The following HLA-B variants were observed in gnomAD, a reference collection of about 807,000 sequenced individuals.
HLA-B encodes major histocompatibility complex, class I, B.
In HLA-B, 31 loss-of-function variants were observed where a neutral mutation model predicts 41.5. That is an observed-to-expected ratio of 0.75 (90% CI 0.56 to 1.01). HLA-B has a LOEUF of 1.01. HLA-B is among the 50% of genes least tolerant of loss of function. The pLI is 0.00. For synonymous variants in HLA-B, 138 were observed against 189.0 expected (o/e 0.73, Z 2.21); for missense variants, 369 against 457.2 (o/e 0.81, Z 1.76).
At position 31,356,148 on chromosome 6, in the gene HLA-B, T is replaced by G. The variant is rs1766940776; in HGVS notation, c.619+19A>C. The G allele has an allele frequency of 2.3e-6, 3 of 1,289,848 alleles. No homozygotes were observed. The highest frequency in any genetic ancestry group is 2.9e-4 in the Middle Eastern group (1 of 3,508). The allele number at this position is 1,289,848 out of a possible 1,614,324, so 79.9% of individuals were successfully genotyped here. On this transcript the variant is annotated intron_variant, in intron 3 of 7. Transcript: ENST00000412585. ...GCGACCTATAGGAGATGGGGAAGGC[T>G]CCCCACTGCCCCTGGTACCAGCGCG...
rs41562914 is a variant in HLA-B at position 31,356,825 on chromosome 6, T to C, written c.206A>G (p.Glu69Gly). 4,034 of 1,071,252 alleles carry C rather than the reference T, an allele frequency of 3.8e-3. 753 individuals carry two copies. The East Asian group carries it at 0.11, about 29-fold the overall frequency. The allele number at this position is 1,071,252 out of a possible 1,614,324, so 66.4% of individuals were successfully genotyped here. A position where few individuals can be genotyped will look rare whatever the true frequency, so the allele number is the denominator to read the frequency against. ...RFDSDAASPR[E>G]EPRAPWIEQE... ...CTCTATCCACGGCGCCCGCGGCTCC[T>C]CTCTCGGACTCGCGGCGTCGCTGTC... Residue 69 changes from glutamate (E) to glycine (G), a missense_variant, in exon 2 of 8, where the codon GAG (glutamate) becomes GGG (glycine). Physicochemically the swap from Glu to Gly is moderately conservative, Grantham distance 98 (BLOSUM62 -2). Around this residue, in one of 6 missense-constraint regions of HLA-B, gnomAD observed 113 missense variants for 173.2 expected, o/e 0.65. Coordinates refer to ENST00000412585, the MANE Select transcript of HLA-B (RefSeq NM_005514.8).
chr6:31,354,646 G>C lies in HLA-B; in HGVS notation c.1032C>G (p.Tyr344Ter). The change falls in exon 6 of 8, where the codon TAC becomes TAG. Residue 344 changes from tyrosine (Y) to a stop codon, truncating the protein, a stop_gained. Transcript: ENST00000412585. LOFTEE classifies it high-confidence loss of function. ...RKSSGGKGGS[Y>*]SQAACSDSAQ... ...CCCACCACTTACACGCAGCCTGAGA[G>C]TAGCTCCCTCCTTTTCCACCTGTGG... is the stretch of plus-strand genomic sequence containing the variant. 2 of 1,405,906 alleles carry C rather than the reference G, an allele frequency of 1.4e-6. 1 individual carries two copies. The allele number at this position is 1,405,906 out of a possible 1,614,324, so 87.1% of individuals were successfully genotyped here.
rs41545612 is a variant in HLA-B, at chr6:31,356,820, G to T, written c.211C>A (p.Pro71Thr). The change falls in exon 2 of 8, where the codon CCG becomes ACG. Residue 71 changes from proline (P) to threonine (T), a missense_variant. Coordinates refer to ENST00000412585, the MANE Select transcript of HLA-B (RefSeq NM_005514.8). ...DSDAASPREE[P>T]RAPWIEQEGP... ...TCCTGCTCTATCCACGGCGCCCGCG[G>T]CTCCTCTCTCGGACTCGCGGCGTCG... 2 of 1,168,440 alleles carry T rather than the reference G, an allele frequency of 1.7e-6. No homozygotes were observed. Among genetic ancestry groups the T allele is most frequent in the African/African-American group, 2.3e-5 (1 of 43,322 alleles). The allele number at this position is 1,168,440 out of a possible 1,614,324, so 72.4% of individuals were successfully genotyped here. A position where few individuals can be genotyped will look rare whatever the true frequency, so the allele number is the denominator to read the frequency against.
chr6:31,354,834 C>T (rs41561016), intron 5 of HLA-B, 169 bp from the exon 6 acceptor site: 15,112 of 404,778 alleles, frequency 0.037, 830 homozygotes, highest in African/African-American at 0.063. Flanking sequence ...GACCAACTGC[C>T]CTCCTAAGGT....
In HLA-B at chr6:31,356,675, C is replaced by A; in HGVS notation, c.343+13G>T. 2 of 1,462,574 alleles carry A rather than the reference C, an allele frequency of 1.4e-6. No homozygotes were observed. The highest frequency in any genetic ancestry group is 1.8e-6 in the Non-Finnish European group (2 of 1,094,318). The allele number at this position is 1,462,574 out of a possible 1,614,324, so 90.6% of individuals were successfully genotyped here. A position where few individuals can be genotyped will look rare whatever the true frequency, so the allele number is the denominator to read the frequency against. Reference sequence around the variant, plus strand: ...GGGAGTCGTGACCTGCGCCCCGGGCCGGGGTCACTCACCGGCCTCGCTCTG... The same window carrying A: ...GGGAGTCGTGACCTGCGCCCCGGGCAGGGGTCACTCACCGGCCTCGCTCTG... On this transcript the variant is annotated intron_variant, in intron 2 of 7. Transcript: ENST00000412585.
Sources: gnomAD v4.1 joint callset for allele counts on GRCh38, gnomAD v4.1.1 for gene constraint, gnomAD v4.1.1 regional missense constraint, MANE v1.5 for transcripts, NCBI Gene and HGNC (gene_info 2026-07-23, HGNC 2026-07-21) for gene names.